PA2G4: variants seen among roughly 807,000 people sequenced by gnomAD.
PA2G4 encodes proliferation-associated protein 2G4.
Under a neutral mutation model 53.3 loss-of-function variants are expected in PA2G4, and 8 were observed. That is an observed-to-expected ratio of 0.15 (90% CI 0.09 to 0.27). The LOEUF (loss-of-function observed/expected upper bound fraction) is 0.27. Among genes scored for constraint, PA2G4 ranks in the 10% least tolerant of loss-of-function variants. The pLI is 1.00. For missense variants in PA2G4, 208 were observed against 486.8 expected (o/e 0.43, Z 5.39); for synonymous variants, 143 against 169.8 (o/e 0.84, Z 1.23).
Position 56,113,688 on chromosome 12 carries a change from A to G in PA2G4, c.*800A>G. 1 of 603,182 alleles carries G rather than the reference A, an allele frequency of 1.7e-6. No homozygotes were observed. The allele number at this position is 603,182 out of a possible 1,614,324, so 37.4% of individuals were successfully genotyped here. Reference sequence around the variant, plus strand: ...TATTGTGATCTCCCTCCCATGAAAGAAAAACCAAGAACCAGAGGCGTAGAC... The same window carrying G: ...TATTGTGATCTCCCTCCCATGAAAGGAAAACCAAGAACCAGAGGCGTAGAC... On this transcript the variant is annotated 3_prime_UTR_variant, in exon 13 of 13. Transcript: ENST00000303305.
At chr12:56,107,437 T>A (rs997409997) in intron 4 of PA2G4, 84 bp from the exon 5 acceptor site, 2 of 1,088,276 alleles carry the variant, frequency 1.8e-6, no homozygotes, top group African/African-American at 3.1e-5. Flanking sequence ...GGTCTTCGCA[T>A]ATGGGCTCAC....
intron 1 of PA2G4, chr12:56,105,135 C>T (rs1237979738): frequency 3.2e-6 from 2 of 617,402 alleles, no homozygotes; most frequent in East Asian, 6.9e-5. Flanking sequence ...TCCTTCATTC[C>T]CGATTATTGC....
chr12:56,106,490 T>C (rs1396968919), intron 1 of PA2G4, 98 bp from the exon 2 acceptor site: 2 of 1,313,704 alleles, frequency 1.5e-6, no homozygotes, highest in Non-Finnish European at 1.0e-6. Context: ...CACCAGGGAG[T>C]ATTATGGAAA....
At chr12:56,106,536 T>C in intron 1 of PA2G4, 52 bp from the exon 2 acceptor site, 2 of 1,463,988 alleles carry the variant, frequency 1.4e-6, no homozygotes, top group Non-Finnish European at 1.8e-6. Context: ...CCTTGGGTGG[T>C]AACTAGACAA....
Position 56,111,183 on chromosome 12 carries a change from T to G in PA2G4, c.939T>G (p.Gly313=), listed in dbSNP as rs775993055. 1 of 1,614,180 alleles carries G rather than the reference T, an allele frequency of 6.2e-7. No individual in the cohort carries two copies. Among genetic ancestry groups the G allele is most frequent in the Non-Finnish European group, 8.5e-7 (1 of 1,180,024 alleles). The change falls in exon 11 of 13, where the codon GGT becomes GGG. Residue 313 remains glycine, a splice_region_variant and synonymous_variant. Transcript: ENST00000303305. The part of the protein sequence containing the change: ...QPFNVLYEKE[G]EFVAQFKFTV... Reference sequence around the variant, plus strand: ...AACACATCTTCATTTTTGCCATAGGTGAATTTGTTGCCCAGTTTAAATTTA... The same window carrying G: ...AACACATCTTCATTTTTGCCATAGGGGAATTTGTTGCCCAGTTTAAATTTA...
In PA2G4 at chr12:56,112,995, G is replaced by C; in HGVS notation, c.*107G>C. ...CTCCACCTAGGACCGCCAGCAGAGC[G>C]GGGGGATCTCCCTGCCCCCACCCCA... is the stretch of plus-strand genomic sequence containing the variant. On this transcript the variant is annotated 3_prime_UTR_variant, in exon 13 of 13. Transcript: ENST00000303305. 2 of 690,726 alleles carry C rather than the reference G, an allele frequency of 2.9e-6. No homozygotes were observed. Among genetic ancestry groups the C allele is most frequent in the Non-Finnish European group, 4.6e-6 (2 of 431,514 alleles). The allele number at this position is 690,726 out of a possible 1,614,324, so 42.8% of individuals were successfully genotyped here. A position where few individuals can be genotyped will look rare whatever the true frequency, so the allele number is the denominator to read the frequency against.
At position 56,106,669 on chromosome 12, in the gene PA2G4, T is replaced by C. The variant is rs150178932; in HGVS notation, c.170T>C (p.Met57Thr). 1.9e-6 allele frequency: 3 copies of C among 1,603,942 alleles called. No individual in the cohort carries two copies. The highest frequency in any genetic ancestry group is 4.5e-5 in the East Asian group (2 of 44,816). The change falls in exon 2 of 13, where the codon ATG becomes ACG. Residue 57 changes from methionine (M) to threonine (T), a missense_variant. Physicochemically the swap from Met to Thr is moderately conservative, Grantham distance 81. This residue lies in a region of PA2G4 where 143 missense variants were observed against 386.8 expected (regional missense o/e 0.37). Coordinates refer to ENST00000303305, the MANE Select transcript of PA2G4 (RefSeq NM_006191.3). ...TGTGAGAAAGGTGATGCCATGATTATGGAAGAAACAGGGAAAATCTTCAAG... is the reference window on the plus strand; with the variant it reads ...TGTGAGAAAGGTGATGCCATGATTACGGAAGAAACAGGGAAAATCTTCAAG... ...SLCEKGDAMI[M>T]EETGKIFKKE...
chr12:56,107,369 A>G, intron 4 of PA2G4, 113 bp downstream of exon 4: 2 of 1,069,746 alleles, frequency 1.9e-6, no homozygotes, highest in East Asian at 4.7e-5. Flanking sequence ...TCTCTAGAGA[A>G]GCAAAAGGAG....
chr12:56,107,394 T>C, intron 4 of PA2G4, 127 bp from the exon 5 acceptor site: 1 of 1,003,304 alleles, frequency 1.0e-6, no homozygotes, highest in Non-Finnish European at 1.6e-6. Context: ...GTTTTTGTTG[T>C]TGTTGTTGTT....
At chr12:56,108,000 G>A (rs1489206427) in intron 5 of PA2G4, among the ~76,000 whole-genome samples, 3 of 152,168 alleles carry the variant, frequency 2.0e-5, no homozygotes, top group African/African-American at 7.2e-5. Context: ...CTGCACTCCA[G>A]CCTGGGCAAC....
At position 56,113,436 on chromosome 12, in the gene PA2G4, G is replaced by C. The variant is rs1869474483; in HGVS notation, c.*548G>C. 1 of 190,540 alleles carries C rather than the reference G, an allele frequency of 5.2e-6. No individual in the cohort carries two copies. The highest frequency in any genetic ancestry group is 1.1e-5 in the Non-Finnish European group (1 of 93,066). The allele number at this position is 190,540 out of a possible 1,614,324, so 11.8% of individuals were successfully genotyped here. On this transcript the variant is annotated 3_prime_UTR_variant, in exon 13 of 13. Transcript: ENST00000303305. The stretch of plus-strand genomic sequence containing the variant: ...TTCCTCATCTGATTCAGGCTGTCCA[G>C]TCAGGCCCCTCCCATTTTAGGAGCT...
intron 1 of PA2G4, among the ~76,000 whole-genome samples, chr12:56,105,354 C>T (rs1869278008): frequency 6.6e-6 from 1 of 152,192 alleles, no homozygotes; most frequent in Admixed American, 6.5e-5. Flanking sequence ...TTCCCCACCA[C>T]GTGCTTTGCT....
intron 12 of PA2G4, among the ~76,000 whole-genome samples, 199 bp downstream of exon 12, chr12:56,111,728 T>TA (rs1351565735): frequency 4.0e-4 from 60 of 149,996 alleles, no homozygotes; most frequent in Non-Finnish European, 8.0e-4. Context: ...ATATATATTT[T>TA]AAGAGACAGA....
chr12:56,110,766 C>T, intron 9 of PA2G4, 74 bp downstream of exon 9: 3 of 1,571,606 alleles, frequency 1.9e-6, no homozygotes, highest in African/African-American at 1.3e-5. Context: ...TTTCCTCTCC[C>T]TTCCTGCCTA....
intron 12 of PA2G4, among the ~76,000 whole-genome samples, chr12:56,112,541 TGA>T (rs1869451610): frequency 6.6e-6 from 1 of 152,118 alleles, no homozygotes; most frequent in Non-Finnish European, 1.5e-5. Context: ...GAGCATCACT[TGA>T]GCCCAGGAGT....
Position 56,113,881 on chromosome 12 carries a change from T to C in PA2G4, c.*993T>C, listed in dbSNP as rs1296902819. 1 of 702,248 alleles carries C rather than the reference T, an allele frequency of 1.4e-6. No homozygotes were observed. The highest frequency in any genetic ancestry group is 2.6e-6 in the Non-Finnish European group (1 of 384,814). The allele number at this position is 702,248 out of a possible 1,614,324, so 43.5% of individuals were successfully genotyped here. A position where few individuals can be genotyped will look rare whatever the true frequency, so the allele number is the denominator to read the frequency against. ...TAAACACATTGAAAATGACATGACA[T>C]TAAAATAAATTTGGATTTGCTCATA... On this transcript the variant is annotated 3_prime_UTR_variant, in exon 13 of 13. Transcript: ENST00000303305.
intron 9 of PA2G4, 21 bp downstream of exon 9, chr12:56,110,713 T>C (rs754390755): frequency 1.9e-6 from 3 of 1,613,572 alleles, no homozygotes; most frequent in African/African-American, 1.3e-5. Context: ...ATGATAGTAC[T>C]TGGAACCAGT....
At chr12:56,109,124 CAA>C (rs59103730) in intron 5 of PA2G4, 104 bp from the exon 6 acceptor site, 15,107 of 374,236 alleles carry the variant, frequency 0.04, 4 homozygotes, top group East Asian at 0.055. Flanking sequence ...GACTCCATCT[CAA>C]AAAAAAAAAA....
intron 5 of PA2G4, among the ~76,000 whole-genome samples, chr12:56,107,834 GC>G (rs1869333167): frequency 6.6e-6 from 1 of 152,136 alleles, no homozygotes; most frequent in African/African-American, 2.4e-5. Flanking sequence ...TTCAAGACCA[GC>G]CTGGGAAACA....
Sources: gnomAD v4.1 joint callset for allele counts (sites outside exome capture counted in the v4.1 genomes callset) on GRCh38, gnomAD v4.1.1 for gene constraint, gnomAD v4.1.1 regional missense constraint, MANE v1.5 for transcripts, NCBI Gene and HGNC (gene_info 2026-07-23, HGNC 2026-07-21) for gene names.